TBC1D4: variants seen among roughly 807,000 people sequenced by gnomAD.
TBC1D4 encodes the protein TBC1 domain family member 4, also known as TBC (Tre-2, BUB2, CDC16) domain-containing protein.
In TBC1D4, 121 loss-of-function variants were observed where a neutral mutation model predicts 142.5. The ratio of observed to expected loss-of-function variants is 0.85; its 90% CI spans 0.73 to 0.99. The LOEUF is 0.99. Among genes scored for constraint, TBC1D4 ranks in the 50% least tolerant of loss-of-function variants. TBC1D4 has a pLI of 0.00. For missense variants in TBC1D4, 1,475 were observed against 1,606.6 expected, an observed-to-expected ratio of 0.92 and a Z score of 1.40; for synonymous variants, 630 against 628.2, an observed-to-expected ratio of 1.00 and a Z score of -0.04.
In TBC1D4 at chr13:75,433,459, A is replaced by G. The variant is rs76408797; in HGVS notation, c.498+47811T>C. ...ATAAGCCATAAAATAAAAACAATCT[A>G]CTGTCCCTTGTTAAGAAATGAAAAT... On this transcript the variant is annotated intron_variant, in intron 1 of 20. Coordinates refer to ENST00000377636, the MANE Select transcript of TBC1D4 (RefSeq NM_014832.5). 4.1e-3 allele frequency among the ~76,000 whole-genome samples: 631 copies of G among 152,268 alleles called. 11 individuals are homozygous for G. The highest frequency in any genetic ancestry group is 0.015 in the African/African-American group (609 of 41,564).
intron 10 of TBC1D4, 117 bp downstream of exon 10, chr13:75,326,080 G>A: frequency 8.4e-7 from 1 of 1,187,050 alleles, no homozygotes; most frequent in Non-Finnish European, 1.2e-6. Context: ...TTTTTATGGT[G>A]TTTCTCAAAA....
rs1440884129 is a variant in TBC1D4 at position 75,324,240 on chromosome 13, AT to A, written c.2194del (p.Ile732SerfsTer27). The A allele has an allele frequency of 6.2e-7, 1 of 1,613,830 alleles. No individual in the cohort carries two copies. ...GRLSPQYENE[I>X]RQDTASESSD... ...AAACAGAGGACACTGATCTCACCTGATTTCATTTTCATACTGTGGGGACAGT... is the reference window on the plus strand; with the variant it reads ...AAACAGAGGACACTGATCTCACCTGATTCATTTTCATACTGTGGGGACAGT... On this transcript the variant is annotated frameshift_variant, in exon 11 of 21. Coordinates refer to ENST00000377636, the MANE Select transcript of TBC1D4 (RefSeq NM_014832.5). LOFTEE classifies it high-confidence loss of function.
At chr13:75,295,132 A>T (rs1249668428) in intron 17 of TBC1D4, 119 bp from the exon 18 acceptor site, 1 of 945,846 alleles carries the variant, frequency 1.1e-6, no homozygotes, top group Non-Finnish European at 1.5e-6. Context: ...AAGTAGTATT[A>T]CTTTATTTTT....
chr13:75,302,424 C>G (rs115575809), intron 15 of TBC1D4, 23 bp from the exon 16 acceptor site: 1 of 1,613,826 alleles, frequency 6.2e-7, no homozygotes, highest in African/African-American at 1.3e-5. Flanking sequence ...AGATAAATAA[C>G]CAAGGCCTTG....
At chr13:75,427,814 A>G (rs1478042913) in intron 1 of TBC1D4, among the ~76,000 whole-genome samples, 1 of 152,232 alleles carries the variant, frequency 6.6e-6, no homozygotes. Flanking sequence ...AAACTCTTGA[A>G]AGCCCACACT....
chr13:75,299,555 G>A lies in TBC1D4; in HGVS notation c.2931C>T (p.His977=), dbSNP rs749374760. 10 of 1,614,000 alleles carry A rather than the reference G, an allele frequency of 6.2e-6. No homozygotes were observed. Among genetic ancestry groups the A allele is most frequent in the Non-Finnish European group, 1.7e-6 (2 of 1,180,012 alleles). ...LVDLGRTFPT[H]PYFSVQLGPG... ...GCCCAAGCTGTACTGAAAAGTAAGG[G>A]TGAGTAGGAAACGTCCTTCCTGCAG... Residue 977 remains histidine, a synonymous_variant, in exon 17 of 21, where the codon CAC becomes CAT. Transcript: ENST00000377636.
At chr13:75,367,295 T>A (rs186877480) in intron 1 of TBC1D4, among the ~76,000 whole-genome samples, 1 of 152,290 alleles carries the variant, frequency 6.6e-6, no homozygotes, top group Non-Finnish European at 1.5e-5. Flanking sequence ...AGAAGATTAA[T>A]CTACAGTACA....
At chr13:75,455,946 T>C (rs1432975023) in intron 1 of TBC1D4, among the ~76,000 whole-genome samples, 1 of 152,074 alleles carries the variant, frequency 6.6e-6, no homozygotes, top group Non-Finnish European at 1.5e-5. Flanking sequence ...GGACTTCTCT[T>C]CTAATGCATA....
At chr13:75,405,131 T>C (rs1434112623) in intron 1 of TBC1D4, among the ~76,000 whole-genome samples, 1 of 152,164 alleles carries the variant, frequency 6.6e-6, no homozygotes, top group Non-Finnish European at 1.5e-5. Flanking sequence ...CTCAGCTATA[T>C]GGAGAGAAGA....
intron 16 of TBC1D4, among the ~76,000 whole-genome samples, chr13:75,301,482 A>T (rs897038522): frequency 1.3e-5 from 2 of 151,958 alleles, no homozygotes; most frequent in Non-Finnish European, 2.9e-5. Flanking sequence ...TCTACTAAAA[A>T]TACAAAAAAA....
intron 9 of TBC1D4, 112 bp from the exon 10 acceptor site, chr13:75,326,535 C>G (rs914981401): frequency 1.3e-5 from 15 of 1,155,098 alleles, no homozygotes; most frequent in Non-Finnish European, 1.3e-5. Flanking sequence ...TGAGTCATGA[C>G]AAAACTGTTT....
At chr13:75,359,707 T>C in intron 3 of TBC1D4, 62 bp downstream of exon 3, 2 of 1,326,248 alleles carry the variant, frequency 1.5e-6, no homozygotes, top group Non-Finnish European at 2.2e-6. Context: ...CCCACTTATT[T>C]TATTGTTAAT....
At chr13:75,299,056 G>A (rs1427905638) in intron 17 of TBC1D4, among the ~76,000 whole-genome samples, 2 of 152,178 alleles carry the variant, frequency 1.3e-5, no homozygotes, top group Admixed American at 6.5e-5. Context: ...GGGCATAAAG[G>A]ACTGGGTCCT....
intron 1 of TBC1D4, chr13:75,377,112 T>C (rs1198127101): frequency 6.6e-6 from 1 of 152,266 alleles, no homozygotes; most frequent in Non-Finnish European, 1.5e-5. Context: ...AAGTCTTCAG[T>C]GCAACACAAG....
intron 1 of TBC1D4, among the ~76,000 whole-genome samples, chr13:75,376,375 A>AT (rs71701755): frequency 7.8e-6 from 1 of 128,452 alleles, no homozygotes; most frequent in Admixed American, 7.7e-5. Context: ...TTCTGGTGAC[A>AT]TTTTTTTTTT....
intron 1 of TBC1D4, among the ~76,000 whole-genome samples, chr13:75,371,839 T>C (rs949299551): frequency 6.6e-6 from 1 of 152,170 alleles, no homozygotes; most frequent in African/African-American, 2.4e-5. Flanking sequence ...ATATAAGGAA[T>C]AAAGTTTGAA....
intron 16 of TBC1D4, among the ~76,000 whole-genome samples, chr13:75,299,839 A>G (rs1271284262): frequency 6.6e-6 from 1 of 151,412 alleles, no homozygotes; most frequent in Non-Finnish European, 1.5e-5. Context: ...AAAAAAAAAA[A>G]AAAAAAAAAT....
At chr13:75,326,745 T>G (rs553466935) in intron 9 of TBC1D4, among the ~76,000 whole-genome samples, 2 of 152,218 alleles carry the variant, frequency 1.3e-5, no homozygotes, top group African/African-American at 4.8e-5. Context: ...CCCTGACACT[T>G]TGTGATGAAA....
At chr13:75,318,075 T>C (rs1019273721) in intron 12 of TBC1D4, among the ~76,000 whole-genome samples, 1 of 152,208 alleles carries the variant, frequency 6.6e-6, no homozygotes, top group Non-Finnish European at 1.5e-5. Context: ...AACATAGAAT[T>C]GTAATGTCTA....
Sources: gnomAD v4.1 joint callset for allele counts (sites outside exome capture counted in the v4.1 genomes callset) on GRCh38, gnomAD v4.1.1 for gene constraint, MANE v1.5 for transcripts, NCBI Gene and HGNC (gene_info 2026-07-23, HGNC 2026-07-21) for gene names.